Variants in CSNK2A1 observed in about 807,000 individuals in gnomAD.
The protein encoded by CSNK2A1 is casein kinase 2 alpha 1.
Under a neutral mutation model 62.9 loss-of-function variants are expected in CSNK2A1, and 10 were observed. The ratio of observed to expected loss-of-function variants is 0.16; its 90% CI spans 0.10 to 0.27. The LOEUF (loss-of-function observed/expected upper bound fraction) is 0.27. CSNK2A1 is among the 10% of genes least tolerant of loss of function. The pLI is 1.00. For missense variants in CSNK2A1, 160 were observed against 492.0 expected, an observed-to-expected ratio of 0.33 and a Z score of 6.38; for synonymous variants, 124 against 167.8, an observed-to-expected ratio of 0.74 and a Z score of 2.02.
chr20:483,915 T>A lies in CSNK2A1; in HGVS notation c.*46A>T. The A allele has an allele frequency of 6.4e-7, 1 of 1,568,574 alleles. No homozygotes were observed. Among genetic ancestry groups the A allele is most frequent in the East Asian group, 2.4e-5 (1 of 42,186 alleles). ...GGCGCAAGCTGCATCAAGGAGAGGGTGGACTCCCCCACCTCTGCTCAGGCA... is the reference window on the plus strand; with the variant it reads ...GGCGCAAGCTGCATCAAGGAGAGGGAGGACTCCCCCACCTCTGCTCAGGCA... On this transcript the variant is annotated 3_prime_UTR_variant, in exon 14 of 14. Coordinates refer to ENST00000217244, the MANE Select transcript of CSNK2A1 (RefSeq NM_177559.3).
chr20:494,316 C>T (rs986155841), intron 8 of CSNK2A1: 1 of 152,154 alleles, frequency 6.6e-6, no homozygotes, highest in African/African-American at 2.4e-5. Context: ...AGCCACTGCA[C>T]CCAGCTTTTC....
chr20:524,432 A>AC (rs982047795), intron 2 of CSNK2A1, among the ~76,000 whole-genome samples: 120 of 151,148 alleles, frequency 7.9e-4, no homozygotes, highest in Non-Finnish European at 6.5e-4. Context: ...AAAAAAAAAA[A>AC]AAAAAAAATT....
intron 2 of CSNK2A1, among the ~76,000 whole-genome samples, chr20:523,197 C>T (rs539432658): frequency 1.0e-3 from 156 of 152,276 alleles, no homozygotes; most frequent in African/African-American, 2.3e-3. Flanking sequence ...CTAGTGTGAA[C>T]GCAAAATAGT....
At chr20:490,926 G>A (rs1045480842) in intron 9 of CSNK2A1, among the ~76,000 whole-genome samples, 2 of 146,366 alleles carry the variant, frequency 1.4e-5, no homozygotes, top group Non-Finnish European at 3.0e-5. Context: ...CAAATTGTTA[G>A]CCCATGGAGA....
At chr20:524,041 T>C (rs1173356260) in intron 2 of CSNK2A1, among the ~76,000 whole-genome samples, 2 of 151,618 alleles carry the variant, frequency 1.3e-5, no homozygotes, top group Non-Finnish European at 2.9e-5. Context: ...CATAGAACAG[T>C]ATACACAAAA....
rs2018551743 is a variant in CSNK2A1, at chr20:505,328, T to TATTTCAAACAA, written c.102-110_102-100dup. On this transcript the variant is annotated intron_variant, in intron 3 of 13. Coordinates refer to ENST00000217244, the MANE Select transcript of CSNK2A1 (RefSeq NM_177559.3). ...CAGCAGCTGTAATAGAAATAAGAAG[T>TATTTCAAACAA]ATTTCAAACAATTCCCAAATAGGTT... is the stretch of plus-strand genomic sequence containing the variant. 3 of 788,804 alleles carry TATTTCAAACAA rather than the reference T, an allele frequency of 3.8e-6. No homozygotes were observed. In the South Asian group the frequency reaches 5.5e-5, roughly 15 times the overall value. 48.9% of individuals were successfully genotyped at this position (788,804 alleles called of 1,614,324 possible). A position where few individuals can be genotyped will look rare whatever the true frequency, so the allele number is the denominator to read the frequency against.
At chr20:538,844 G>T (rs2019388561) in intron 1 of CSNK2A1, among the ~76,000 whole-genome samples, 1 of 152,148 alleles carries the variant, frequency 6.6e-6, no homozygotes, top group South Asian at 2.1e-4. Flanking sequence ...AACTAATGAA[G>T]AAATTATGTC....
intron 2 of CSNK2A1, among the ~76,000 whole-genome samples, chr20:512,596 A>C (rs1339476882): frequency 6.6e-6 from 1 of 152,154 alleles, no homozygotes; most frequent in African/African-American, 2.4e-5. Context: ...TCTATTCCTT[A>C]ACCGTGACAA....
At chr20:485,096 AAAAAAAAAAAAAAATAT>A (rs2018054630) in intron 13 of CSNK2A1, among the ~76,000 whole-genome samples, 2 of 50,918 alleles carry the variant, frequency 3.9e-5, no homozygotes, top group Non-Finnish European at 7.6e-5. Flanking sequence ...AAAAAAAAAA[AAAAAAAAAAAAAAATAT>A]ATATATATAT....
intron 2 of CSNK2A1, chr20:526,833 T>A (rs2019100698): frequency 6.6e-6 from 1 of 151,732 alleles, no homozygotes; most frequent in African/African-American, 2.4e-5. Flanking sequence ...CACACGCCTG[T>A]AGTCCCAGCA....
chr20:513,471 CTT>C (rs2018766555), intron 2 of CSNK2A1, among the ~76,000 whole-genome samples: 1 of 152,210 alleles, frequency 6.6e-6, no homozygotes, highest in Non-Finnish European at 1.5e-5. Flanking sequence ...AGAAACCTAT[CTT>C]TACAGGCTGG....
chr20:491,780 C>G (rs1161673225), intron 9 of CSNK2A1, among the ~76,000 whole-genome samples: 1 of 151,928 alleles, frequency 6.6e-6, no homozygotes, highest in East Asian at 1.9e-4. Context: ...GAAAAATTAG[C>G]TGGGGTGGTG....
rs1300091667 is a variant in CSNK2A1 at position 478,458 on chromosome 20, T to G, written c.*5503A>C. The G allele has an allele frequency of 9.2e-6, 2 of 218,160 alleles. No individual in the cohort carries two copies. The highest frequency in any genetic ancestry group is 1.9e-5 in the Non-Finnish European group (2 of 104,704). The allele number at this position is 218,160 out of a possible 1,614,324, so 13.5% of individuals were successfully genotyped here. A position where few individuals can be genotyped will look rare whatever the true frequency, so the allele number is the denominator to read the frequency against. ...GCCAGCCCCAGCTGCTGCAGCATTTTTTTCCCTTTTTCTCATTACAGGAGC... is the reference window on the plus strand; with the variant it reads ...GCCAGCCCCAGCTGCTGCAGCATTTGTTTCCCTTTTTCTCATTACAGGAGC... On this transcript the variant is annotated 3_prime_UTR_variant, in exon 14 of 14. Transcript: ENST00000217244.
intron 2 of CSNK2A1, among the ~76,000 whole-genome samples, chr20:526,055 G>A (rs1276677590): frequency 6.6e-6 from 1 of 151,768 alleles, no homozygotes; most frequent in Non-Finnish European, 1.5e-5. Context: ...TAAAAATTAA[G>A]AACTTACACA....
intron 13 of CSNK2A1, 22 bp downstream of exon 13, chr20:486,354 G>T: frequency 6.2e-7 from 1 of 1,612,030 alleles, no homozygotes; most frequent in African/African-American, 1.3e-5. Flanking sequence ...TTTTTTTAAA[G>T]AAAATTTACC....
Position 478,544 on chromosome 20 carries a change from C to A in CSNK2A1, c.*5417G>T, listed in dbSNP as rs1028974281. 5 of 308,316 alleles carry A rather than the reference C, an allele frequency of 1.6e-5. No individual in the cohort carries two copies. The highest frequency in any genetic ancestry group is 4.7e-5 in the Admixed American group (1 of 21,198). The allele number at this position is 308,316 out of a possible 1,614,324, so 19.1% of individuals were successfully genotyped here. ...AGCTGACTCAGAAATACTCAATCCC[C>A]CCAGGAACTTCTCTAAGAAATGGAC... On this transcript the variant is annotated 3_prime_UTR_variant, in exon 14 of 14. Coordinates refer to ENST00000217244, the MANE Select transcript of CSNK2A1 (RefSeq NM_177559.3).
chr20:508,409 A>C, intron 3 of CSNK2A1, 42 bp downstream of exon 3: 1 of 1,602,868 alleles, frequency 6.2e-7, no homozygotes, highest in Non-Finnish European at 8.5e-7. Context: ...CACAAGATTC[A>C]GCCCTTTGAG....
chr20:540,237 C>T (rs980994179), intron 1 of CSNK2A1, among the ~76,000 whole-genome samples: 47 of 152,220 alleles, frequency 3.1e-4, no homozygotes, highest in Admixed American at 2.9e-3. Flanking sequence ...GCATAAAATT[C>T]TCAAGAACCT....
intron 2 of CSNK2A1, among the ~76,000 whole-genome samples, chr20:524,708 C>CAAAA (rs56228720): frequency 6.7e-4 from 56 of 83,162 alleles, no homozygotes; most frequent in African/African-American, 2.1e-3. Flanking sequence ...GACTCCATCT[C>CAAAA]AAAAAAAAAA....
Sources: gnomAD v4.1 joint callset for allele counts (sites outside exome capture counted in the v4.1 genomes callset) on GRCh38, gnomAD v4.1.1 for gene constraint, MANE v1.5 for transcripts, NCBI Gene and HGNC (gene_info 2026-07-23, HGNC 2026-07-21) for gene names.